The following LPA variants were observed in gnomAD, a reference collection of about 807,000 sequenced individuals.
LPA encodes the protein apolipoprotein(a).
Under a neutral mutation model 197.9 loss-of-function variants are expected in LPA, and 199 were observed. The observed-to-expected ratio is 1.01, with a 90% confidence interval of 0.90 to 1.13. The LOEUF (loss-of-function observed/expected upper bound fraction) is 1.13. Among genes scored for constraint, LPA ranks in the 50% most tolerant of loss-of-function variants. The pLI is 0.00. For synonymous variants in LPA, 715 were observed against 639.5 expected (o/e 1.12, Z -1.78); for missense variants, 1,853 against 1,785.8 (o/e 1.04, Z -0.68).
intron 7 of LPA, among the ~76,000 whole-genome samples, chr6:160,634,860 GC>G (rs1779775917): frequency 6.7e-6 from 1 of 150,230 alleles, no homozygotes; most frequent in Non-Finnish European, 1.5e-5. Context: ...CACTGAGATA[GC>G]CCATTTTAGA....
intron 20 of LPA, among the ~76,000 whole-genome samples, chr6:160,596,794 A>G (rs1332284983): frequency 6.6e-6 from 1 of 152,196 alleles, no homozygotes; most frequent in Non-Finnish European, 1.5e-5. Context: ...TGATTATTAC[A>G]TGCTTCTGTT....
chr6:160,606,623 G>A lies in LPA; in HGVS notation c.2639C>T (p.Pro880Leu). The change falls in exon 17 of 39, where the codon CCT becomes CTT. Residue 880 changes from proline (P) to leucine (L), a missense_variant. Around this residue, in one of 3 missense-constraint regions of LPA, gnomAD observed 1,737 missense variants for 1,504.4 expected, o/e 1.15. Transcript: ENST00000316300. ...LIMNYCRNPD[P>L]VAAPYCYTRD... ...CGTATAACAATAAGGGGCTGCCACA[G>A]GATCTGGATTCCTGCAGTAGTTCAT... is the stretch of plus-strand genomic sequence containing the variant. 9.3e-6 allele frequency: 15 copies of A among 1,614,036 alleles called. No individual in the cohort carries two copies. The highest frequency in any genetic ancestry group is 1.3e-5 in the Non-Finnish European group (15 of 1,179,962).
intron 16 of LPA, among the ~76,000 whole-genome samples, chr6:160,609,160 C>T (rs1168625143): frequency 2.6e-5 from 4 of 151,924 alleles, no homozygotes; most frequent in African/African-American, 7.3e-5. Flanking sequence ...CTTCTTATAC[C>T]TAATTCTTTC....
In LPA at chr6:160,658,144, C is replaced by G. The variant is rs562008725; in HGVS notation, c.49+6022G>C. Among the ~76,000 whole-genome samples the G allele has an allele frequency of 5.9e-4, 90 of 152,260 alleles. 3 individuals carry two copies. In the South Asian group the frequency reaches 0.018, roughly 30 times the overall value. ...ACGGGTCAGGGAGGGGATGTTACCA[C>G]TACTGGGGATGGGGAAACTGTTTCT... On this transcript the variant is annotated intron_variant, in intron 1 of 38. Coordinates refer to ENST00000316300, the MANE Select transcript of LPA (RefSeq NM_005577.4).
At chr6:160,572,277 T>C (rs147266080) in intron 28 of LPA, among the ~76,000 whole-genome samples, 257 of 152,286 alleles carry the variant, frequency 1.7e-3, no homozygotes, top group African/African-American at 5.8e-3. Context: ...CCACCCTATG[T>C]GTTGATCTCA....
In LPA at chr6:160,593,938, A is replaced by G; in HGVS notation, c.3629+20T>C. ...GTAAGGGGGCTGCTGTCTGTCTTTG[A>G]AGAAAACTCAAGGTTGTACCCATTT... On this transcript the variant is annotated intron_variant, in intron 22 of 38. Coordinates refer to ENST00000316300, the MANE Select transcript of LPA (RefSeq NM_005577.4). The G allele has an allele frequency of 6.2e-7, 1 of 1,612,914 alleles. No homozygotes were observed. The highest frequency in any genetic ancestry group is 1.1e-5 in the South Asian group (1 of 91,042).
chr6:160,573,844 C>A (rs1489813169), intron 28 of LPA, among the ~76,000 whole-genome samples: 2 of 152,108 alleles, frequency 1.3e-5, no homozygotes, highest in Non-Finnish European at 2.9e-5. Context: ...GTGCAATGGA[C>A]TCCATAGGGG....
chr6:160,663,781 G>C (rs1457291446), intron 1 of LPA, among the ~76,000 whole-genome samples: 1 of 152,188 alleles, frequency 6.6e-6, no homozygotes, highest in Non-Finnish European at 1.5e-5. Flanking sequence ...GTTTCAACTT[G>C]CTAGTGAGGG....
At chr6:160,594,217 A>T in intron 21 of LPA, 100 bp from the exon 22 acceptor site, 1 of 1,443,520 alleles carries the variant, frequency 6.9e-7, no homozygotes, top group Non-Finnish European at 9.7e-7. Context: ...TCTGAGAAAG[A>T]CTACCATGCT....
intron 22 of LPA, among the ~76,000 whole-genome samples, chr6:160,592,531 C>T (rs183979296): frequency 6.6e-6 from 1 of 152,110 alleles, no homozygotes; most frequent in Non-Finnish European, 1.5e-5. Context: ...ATTTCTGGGC[C>T]TATTTGTGTT....
intron 38 of LPA, 27 bp from the exon 39 acceptor site, chr6:160,531,917 G>C: frequency 6.2e-7 from 1 of 1,613,718 alleles, no homozygotes. Context: ...GAAAATTCAT[G>C]TGAGCTTTAA....
chr6:160,578,709 A>C lies in LPA; in HGVS notation c.4290-5T>G. ...CAGTAGTTCCTGGTCAGGCCACTGC[A>C]AATTTCAAAACAACACAGGTCACCA... On this transcript the variant is annotated splice_region_variant and splice_polypyrimidine_tract_variant and intron_variant, in intron 26 of 38. Transcript: ENST00000316300. 1 of 1,613,738 alleles carries C rather than the reference A, an allele frequency of 6.2e-7. No individual in the cohort carries two copies.
chr6:160,590,862 A>G (rs567099354), intron 23 of LPA, 82 bp downstream of exon 23: 1 of 1,568,242 alleles, frequency 6.4e-7, no homozygotes, highest in South Asian at 1.1e-5. Context: ...TGCAGCATGG[A>G]AGGCTTCTGT....
At chr6:160,648,081 C>A (rs1582897920) in intron 2 of LPA, among the ~76,000 whole-genome samples, 1 of 152,214 alleles carries the variant, frequency 6.6e-6, no homozygotes, top group South Asian at 2.1e-4. Flanking sequence ...CATGGATGAA[C>A]TTCAAGGCAT....
At chr6:160,601,462 T>C (rs1401978738) in intron 18 of LPA, among the ~76,000 whole-genome samples, 1 of 152,204 alleles carries the variant, frequency 6.6e-6, no homozygotes, top group Non-Finnish European at 1.5e-5. Flanking sequence ...GAATTGGTTA[T>C]GCACATACAA....
At chr6:160,564,227 G>T (rs1419262678) in intron 28 of LPA, among the ~76,000 whole-genome samples, 2 of 152,134 alleles carry the variant, frequency 1.3e-5, no homozygotes, top group Non-Finnish European at 2.9e-5. Flanking sequence ...CATATTTAGT[G>T]TTTTCTTCAG....
rs369546569 is a variant in LPA, at chr6:160,576,670, TTGTGTG to T, written c.4631+460_4631+465del. 1.6e-3 allele frequency among the ~76,000 whole-genome samples: 169 copies of T among 104,214 alleles called. 1 individual carries two copies. Among genetic ancestry groups the T allele is most frequent in the Middle Eastern group, 6.9e-3 (1 of 144 alleles). 68.4% of individuals were successfully genotyped at this position (104,214 alleles called of 152,430 possible). On this transcript the variant is annotated intron_variant, in intron 28 of 38. Transcript: ENST00000316300. ...GACATATATATAAATATTCAGATGT[TTGTGTG>T]TGTGTGTGTGTGTGTATATATATAT... is the stretch of plus-strand genomic sequence containing the variant.
At chr6:160,655,545 A>G (rs1582904004) in intron 1 of LPA, among the ~76,000 whole-genome samples, 1 of 152,192 alleles carries the variant, frequency 6.6e-6, no homozygotes, top group East Asian at 1.9e-4. Context: ...GTTGCCTCCA[A>G]AATCCAAATA....
At chr6:160,597,137 G>A (rs1315790756) in intron 20 of LPA, among the ~76,000 whole-genome samples, 2 of 152,250 alleles carry the variant, frequency 1.3e-5, no homozygotes, top group African/African-American at 2.4e-5. Flanking sequence ...ACACTTTAAT[G>A]TGTACTCGGT....
Sources: gnomAD v4.1 joint callset for allele counts (sites outside exome capture counted in the v4.1 genomes callset) on GRCh38, gnomAD v4.1.1 for gene constraint, gnomAD v4.1.1 regional missense constraint, MANE v1.5 for transcripts, NCBI Gene and HGNC (gene_info 2026-07-23, HGNC 2026-07-21) for gene names.